The following CDH10 variants were observed in gnomAD, a reference collection of about 807,000 sequenced individuals.
CDH10 encodes cadherin 10, also known as cadherin-10.
In CDH10, 30 loss-of-function variants were observed where a neutral mutation model predicts 73.1. The ratio of observed to expected loss-of-function variants is 0.41; its 90% confidence interval spans 0.31 to 0.56. The LOEUF is 0.56. CDH10 is among the 20% of genes least tolerant of loss of function. The pLI, the probability that CDH10 is intolerant of heterozygous loss-of-function variation, is 0.27. For missense variants in CDH10, 815 were observed against 973.7 expected (o/e 0.84, Z 2.17); for synonymous variants, 345 against 348.2 (o/e 0.99, Z 0.10).
chr5:24,582,106 T>C (rs1456876553), intron 2 of CDH10, among the ~76,000 whole-genome samples: 3 of 152,144 alleles, frequency 2.0e-5, no homozygotes, highest in African/African-American at 7.2e-5. Context: ...CTTCAGATTA[T>C]ATACTAATGT....
chr5:24,603,754 G>A (rs1308937099), intron 1 of CDH10, among the ~76,000 whole-genome samples: 3 of 151,952 alleles, frequency 2.0e-5, no homozygotes, highest in East Asian at 1.9e-4. Context: ...CGTATATTCC[G>A]GAACAAAGTG....
intron 2 of CDH10, among the ~76,000 whole-genome samples, chr5:24,564,025 G>A (rs1683330972): frequency 6.6e-6 from 1 of 152,110 alleles, no homozygotes; most frequent in Admixed American, 6.5e-5. Flanking sequence ...AAGAAGGGTT[G>A]AGTTTATCTT....
chr5:24,576,810 A>C (rs13181436), intron 2 of CDH10, among the ~76,000 whole-genome samples: 61,517 of 151,860 alleles, frequency 0.41, 14,036 homozygotes, highest in East Asian at 0.54. Flanking sequence ...CTTAGTGACT[A>C]GTTTCCAAAA....
chr5:24,554,504 GTGTGTGTGTGTGTGT>G (rs1744689468), intron 2 of CDH10, among the ~76,000 whole-genome samples: 1 of 151,166 alleles, frequency 6.6e-6, no homozygotes, highest in African/African-American at 2.4e-5. Flanking sequence ...GTGTGTGTGT[GTGTGTGTGTGTGTGT>G]GCACGTGCAT....
At chr5:24,633,114 G>T (rs537704896) in intron 1 of CDH10, among the ~76,000 whole-genome samples, 1 of 2,814 alleles carries the variant, frequency 3.6e-4, no homozygotes, top group Non-Finnish European at 2.1e-3. Flanking sequence ...AGATAATAAA[G>T]TAAAGAAAAT....
At chr5:24,560,200 TTGTGTGTGTGTGTGTG>T (rs70965615) in intron 2 of CDH10, among the ~76,000 whole-genome samples, 139 of 148,354 alleles carry the variant, frequency 9.4e-4, no homozygotes, top group Non-Finnish European at 1.3e-3. Flanking sequence ...ATATTTGCAA[TTGTGTGTGTGTGTGTG>T]TGTGTGTGTG....
At chr5:24,617,423 C>T (rs1226110306) in intron 1 of CDH10, among the ~76,000 whole-genome samples, 1 of 152,004 alleles carries the variant, frequency 6.6e-6, no homozygotes, top group Non-Finnish European at 1.5e-5. Context: ...AGAAGTAGGA[C>T]CTGGCTGAAG....
intron 9 of CDH10, among the ~76,000 whole-genome samples, chr5:24,496,090 T>C (rs992045315): frequency 1.3e-5 from 2 of 152,128 alleles, no homozygotes; most frequent in Non-Finnish European, 2.9e-5. Context: ...GCTTTTTCTA[T>C]GGAAAATATG....
chr5:24,606,847 A>C (rs1045338422), intron 1 of CDH10, among the ~76,000 whole-genome samples: 1 of 152,166 alleles, frequency 6.6e-6, no homozygotes, highest in African/African-American at 2.4e-5. Flanking sequence ...ATTCATTTAA[A>C]AATGTTATTT....
intron 2 of CDH10, among the ~76,000 whole-genome samples, chr5:24,578,818 C>T (rs2112046961): frequency 6.6e-6 from 1 of 152,138 alleles, no homozygotes; most frequent in Middle Eastern, 3.4e-3. Context: ...GTTGATACTG[C>T]CTACCTGATT....
At chr5:24,624,760 T>C (rs1579482232) in intron 1 of CDH10, among the ~76,000 whole-genome samples, 2 of 152,268 alleles carry the variant, frequency 1.3e-5, no homozygotes, top group South Asian at 4.1e-4. Context: ...AAGTCTGGAA[T>C]CCATATGCTG....
intron 2 of CDH10, chr5:24,554,120 G>T (rs1049681770): frequency 2.8e-4 from 7 of 25,006 alleles, no homozygotes; most frequent in African/African-American, 9.5e-4. Context: ...GCGGGGGGGG[G>T]AGAGAGAGAG....
chr5:24,505,949 A>G (rs1276483749), intron 7 of CDH10, among the ~76,000 whole-genome samples: 5 of 152,150 alleles, frequency 3.3e-5, no homozygotes, highest in Admixed American at 6.5e-5. Context: ...TTCCGTCTCT[A>G]TTAAAAATAC....
intron 2 of CDH10, among the ~76,000 whole-genome samples, chr5:24,572,666 A>C (rs1397012145): frequency 6.6e-6 from 1 of 152,200 alleles, no homozygotes; most frequent in East Asian, 1.9e-4. Context: ...GTAGAATCGT[A>C]TTTTCAGGAA....
intron 1 of CDH10, among the ~76,000 whole-genome samples, chr5:24,596,742 C>A (rs1018122843): frequency 2.0e-5 from 3 of 151,758 alleles, no homozygotes; most frequent in Admixed American, 1.3e-4. Context: ...TGAATAATAT[C>A]CAGGTGATTT....
chr5:24,527,811 G>A (rs1181448103), intron 5 of CDH10, among the ~76,000 whole-genome samples: 1 of 151,824 alleles, frequency 6.6e-6, no homozygotes, highest in Non-Finnish European at 1.5e-5. Context: ...AAGTGAGAGA[G>A]ACAATCAGTA....
chr5:24,565,560 T>C (rs186624844), intron 2 of CDH10, among the ~76,000 whole-genome samples: 1 of 152,306 alleles, frequency 6.6e-6, no homozygotes, highest in African/African-American at 2.4e-5. Flanking sequence ...TTAAAATTTA[T>C]TATGGACTAG....
Position 24,593,623 on chromosome 5 carries a change from A to G in CDH10, c.-123-10T>C. 1 of 552,680 alleles carries G rather than the reference A, an allele frequency of 1.8e-6. No homozygotes were observed. Among genetic ancestry groups the G allele is most frequent in the Non-Finnish European group, 3.2e-6 (1 of 312,168 alleles). The allele number at this position is 552,680 out of a possible 1,614,324, so 34.2% of individuals were successfully genotyped here. ...TTCATGTTTCCCAAAGCTTCAAACA[A>G]ACAAACAAACAAAAAAAGTTAGTTG... On this transcript the variant is annotated splice_polypyrimidine_tract_variant and intron_variant, in intron 1 of 11. Transcript: ENST00000264463.
At chr5:24,628,934 A>G (rs893424488) in intron 1 of CDH10, among the ~76,000 whole-genome samples, 5 of 150,258 alleles carry the variant, frequency 3.3e-5, no homozygotes, top group Admixed American at 2.7e-4. Context: ...TCTTACTTAT[A>G]CTGATGATCC....
Sources: allele counts gnomAD v4.1 joint callset (sites outside exome capture counted in the v4.1 genomes callset), GRCh38; gene constraint gnomAD v4.1.1; transcripts MANE v1.5; gene names NCBI Gene and HGNC (gene_info 2026-07-23, HGNC 2026-07-21).